The following PALM2AKAP2 variants were observed in gnomAD, a reference collection of about 807,000 sequenced individuals.
The protein encoded by PALM2AKAP2 is PALM2-AKAP2 fusion protein.
In PALM2AKAP2, 37 loss-of-function variants were observed where a neutral mutation model predicts 71.5. That is an observed-to-expected ratio of 0.52 (90% confidence interval 0.40 to 0.68). The LOEUF (loss-of-function observed/expected upper bound fraction) is 0.68, where lower values mean the gene tolerates loss of function less well. Ranked by LOEUF, PALM2AKAP2 falls within the 30% of genes least tolerant of loss-of-function variation. The pLI, the probability that PALM2AKAP2 is intolerant of heterozygous loss-of-function variation, is 0.00. For synonymous variants in PALM2AKAP2, 468 were observed against 478.8 expected (o/e 0.98, Z 0.29); for missense variants, 1,224 against 1,191.8 (o/e 1.03, Z -0.40).
chr9:109,908,290 GA>G (rs1235910739), intron 3 of PALM2AKAP2, among the ~76,000 whole-genome samples: 1 of 152,174 alleles, frequency 6.6e-6, no homozygotes, highest in Non-Finnish European at 1.5e-5. Flanking sequence ...TGTTGGAAAA[GA>G]AAAATCTACC....
intron 7 of PALM2AKAP2, among the ~76,000 whole-genome samples, chr9:110,029,297 G>A (rs1210003890): frequency 6.6e-6 from 1 of 152,146 alleles, no homozygotes; most frequent in African/African-American, 2.4e-5. Context: ...GGATATCAGT[G>A]TTAGCCTAAT....
intron 6 of PALM2AKAP2, among the ~76,000 whole-genome samples, chr9:109,939,683 T>C (rs921531087): frequency 6.6e-6 from 1 of 152,230 alleles, no homozygotes; most frequent in Non-Finnish European, 1.5e-5. Flanking sequence ...TTGGAGTCCA[T>C]GCAAATTTTA....
chr9:109,773,731 C>A (rs1394337194), intron 1 of PALM2AKAP2, among the ~76,000 whole-genome samples: 3 of 152,184 alleles, frequency 2.0e-5, no homozygotes, highest in Non-Finnish European at 1.5e-5. Context: ...GGATTAGGAC[C>A]TAGGATTGAT....
intron 1 of PALM2AKAP2, among the ~76,000 whole-genome samples, chr9:110,091,289 T>A (rs370540454): frequency 6.6e-6 from 1 of 152,024 alleles, no homozygotes; most frequent in Non-Finnish European, 1.5e-5. Flanking sequence ...AAGATTTTTT[T>A]AAAAAACCCT....
chr9:109,723,543 A>T (rs1194822075), intron 1 of PALM2AKAP2, among the ~76,000 whole-genome samples: 2 of 152,076 alleles, frequency 1.3e-5, no homozygotes, highest in African/African-American at 4.8e-5. Context: ...TGGAATTGAG[A>T]CCTCTGTGCT....
exon 6 of PALM2AKAP2, chr9:109,931,995 T>C (rs1225016977): frequency 1.2e-6 from 2 of 1,614,014 alleles, no homozygotes; most frequent in African/African-American, 2.7e-5. Context: ...AGCAGAACCA[T>C]CACCTGGGCA....
intron 1 of PALM2AKAP2, among the ~76,000 whole-genome samples, chr9:109,674,727 A>C (rs1335969588): frequency 6.6e-6 from 1 of 152,068 alleles, no homozygotes; most frequent in Non-Finnish European, 1.5e-5. Context: ...TTTAGGCCCT[A>C]GGCTTGGCTT....
At position 109,934,882 on chromosome 9, in the gene PALM2AKAP2, G is replaced by A. The variant is rs555085815; in HGVS notation, c.496+2854G>A. On this transcript the variant is annotated intron_variant, in intron 6 of 9. Transcript: ENST00000302798. ...CAGAATTCTTTTGTTTTTTAATCTC[G>A]AAAGACAAAAATAAGCATGAGCTAT... 5.3e-5 allele frequency among the ~76,000 whole-genome samples: 8 copies of A among 152,200 alleles called. No homozygotes were observed. The South Asian group carries it at 1.0e-3, about 20-fold the overall frequency.
intron 1 of PALM2AKAP2, among the ~76,000 whole-genome samples, chr9:110,054,720 A>C (rs1399094624): frequency 2.0e-5 from 3 of 152,020 alleles, no homozygotes; most frequent in Non-Finnish European, 4.4e-5. Flanking sequence ...CTACAGGTGC[A>C]TGCCACCATG....
At chr9:109,938,021 A>G (rs1389609042) in intron 6 of PALM2AKAP2, among the ~76,000 whole-genome samples, 4 of 152,202 alleles carry the variant, frequency 2.6e-5, no homozygotes, top group Admixed American at 6.5e-5. Flanking sequence ...GTTAGAGACA[A>G]AGGGATGAAA....
chr9:109,738,295 A>G (rs1322267), intron 1 of PALM2AKAP2, among the ~76,000 whole-genome samples: 6,497 of 152,298 alleles, frequency 0.043, 192 homozygotes, highest in Non-Finnish European at 0.053. Flanking sequence ...AGAACTTACA[A>G]TTTGGAGAAA....
intron 1 of PALM2AKAP2, among the ~76,000 whole-genome samples, chr9:109,797,501 A>G (rs1331457127): frequency 6.6e-6 from 1 of 152,206 alleles, no homozygotes; most frequent in African/African-American, 2.4e-5. Flanking sequence ...AGATCCTGGA[A>G]GTCTACAGAG....
chr9:109,971,814 C>T (rs1832075715), intron 6 of PALM2AKAP2, among the ~76,000 whole-genome samples: 1 of 152,286 alleles, frequency 6.6e-6, no homozygotes, highest in South Asian at 2.1e-4. Context: ...TGTTTCTAGG[C>T]ATGTGACCCA....
At chr9:109,865,097 T>TTTTTTTA (rs1491096560) in intron 1 of PALM2AKAP2, among the ~76,000 whole-genome samples, 3 of 10,680 alleles carry the variant, frequency 2.8e-4, no homozygotes, top group African/African-American at 1.2e-3. Flanking sequence ...TACTCATTCC[T>TTTTTTTA]TTTTTTTTTT....
intron 1 of PALM2AKAP2, among the ~76,000 whole-genome samples, chr9:110,054,956 C>T (rs1024641573): frequency 3.3e-5 from 5 of 152,188 alleles, no homozygotes; most frequent in Non-Finnish European, 5.9e-5. Flanking sequence ...ATCCTTCACA[C>T]TGATTAAGTA....
intron 6 of PALM2AKAP2, among the ~76,000 whole-genome samples, chr9:109,966,986 A>AG (rs1831962186): frequency 6.6e-6 from 1 of 152,236 alleles, no homozygotes; most frequent in Middle Eastern, 3.2e-3. Context: ...CAAATCATCC[A>AG]AACCTAGAAG....
chr9:110,083,642 T>C (rs1372209507), intron 1 of PALM2AKAP2, among the ~76,000 whole-genome samples: 4 of 152,084 alleles, frequency 2.6e-5, no homozygotes, highest in South Asian at 2.1e-4. Context: ...AAAAATTCCA[T>C]TGGTAGCAAA....
chr9:110,101,235 T>A (rs1162663500), intron 1 of PALM2AKAP2, among the ~76,000 whole-genome samples: 2 of 151,970 alleles, frequency 1.3e-5, no homozygotes, highest in African/African-American at 4.8e-5. Flanking sequence ...ACAGAAATTT[T>A]AAAAAGACAC....
chr9:109,700,479 T>TTTAGCA (rs1323326844), intron 1 of PALM2AKAP2, among the ~76,000 whole-genome samples: 4 of 152,240 alleles, frequency 2.6e-5, no homozygotes, highest in Admixed American at 6.5e-5. Context: ...GTCTTGAGTA[T>TTTAGCA]GTCTTTGTTA....
Sources: gnomAD v4.1 joint callset for allele counts (sites outside exome capture counted in the v4.1 genomes callset) on GRCh38, gnomAD v4.1.1 for gene constraint, MANE v1.5 for transcripts, NCBI Gene and HGNC (gene_info 2026-07-23, HGNC 2026-07-21) for gene names.